CNGB3: variants seen among roughly 807,000 people sequenced by gnomAD.
CNGB3 encodes the protein cyclic nucleotide-gated channel beta-3.
In CNGB3, 86 loss-of-function variants were observed where a neutral mutation model predicts 92.8. The ratio of observed to expected loss-of-function variants is 0.93; its 90% CI spans 0.78 to 1.11. CNGB3 has a LOEUF of 1.11. Among genes scored for constraint, CNGB3 ranks in the 50% least tolerant of loss-of-function variants. The pLI, the probability that CNGB3 is intolerant of heterozygous loss-of-function variation, is 0.00. For missense variants in CNGB3, 1,026 were observed against 956.8 expected, an observed-to-expected ratio of 1.07 and a Z score of -0.95; for synonymous variants, 333 against 332.7, an observed-to-expected ratio of 1.00 and a Z score of -0.01.
intron 6 of CNGB3, chr8:86,659,770 C>T (rs1384097550): frequency 2.7e-5 from 10 of 375,074 alleles, no homozygotes; most frequent in Non-Finnish European, 3.6e-5. Flanking sequence ...TAACCACTCC[C>T]TTTGGCTCCC....
intron 15 of CNGB3, among the ~76,000 whole-genome samples, chr8:86,592,650 T>G (rs1018551829): frequency 1.3e-5 from 2 of 152,168 alleles, no homozygotes; most frequent in African/African-American, 4.8e-5. Context: ...AAATATTTCC[T>G]AAAATAAAGA....
intron 10 of CNGB3, among the ~76,000 whole-genome samples, chr8:86,641,401 C>G (rs1024979127): frequency 2.0e-5 from 3 of 152,018 alleles, no homozygotes; most frequent in African/African-American, 7.2e-5. Context: ...TTTGCTTTCA[C>G]TTTATTCCAT....
intron 15 of CNGB3, among the ~76,000 whole-genome samples, chr8:86,591,948 A>T (rs377247779): frequency 6.6e-6 from 1 of 151,282 alleles, no homozygotes; most frequent in East Asian, 1.9e-4. Context: ...CCTCGCTGCC[A>T]CCTTGCAGTT....
In CNGB3 at chr8:86,587,842, A is replaced by G. The variant is rs550494977; in HGVS notation, c.1782-8590T>C. Reference sequence around the variant, plus strand: ...GCGGGCTCTTTTTTGGTTCCATATGAACTTTAAAGTAGTATTTTCCAATTC... The same window carrying G: ...GCGGGCTCTTTTTTGGTTCCATATGGACTTTAAAGTAGTATTTTCCAATTC... On this transcript the variant is annotated intron_variant, in intron 15 of 17. Transcript: ENST00000320005. Among the ~76,000 whole-genome samples the G allele has an allele frequency of 1.3e-4, 20 of 152,166 alleles. No homozygotes were observed. In the South Asian group the frequency reaches 3.9e-3, roughly 30 times the overall value.
At chr8:86,742,078 C>T (rs981294059) in intron 1 of CNGB3, among the ~76,000 whole-genome samples, 3 of 152,068 alleles carry the variant, frequency 2.0e-5, no homozygotes, top group Non-Finnish European at 4.4e-5. Flanking sequence ...ATACAGTAGC[C>T]CTAGAAAAGG....
rs141098074 is a variant in CNGB3, at chr8:86,743,554, C to A, written c.74G>T (p.Arg25Leu). 1.9e-6 allele frequency: 3 copies of A among 1,613,860 alleles called. No individual in the cohort carries two copies. Among genetic ancestry groups the A allele is most frequent in the South Asian group, 1.1e-5 (1 of 91,090 alleles). The change falls in exon 1 of 18, where the codon CGT (arginine) becomes CTT (leucine). Residue 25 changes from arginine to leucine, a missense_variant. Transcript: ENST00000320005. The stretch of plus-strand genomic sequence containing the variant: ...TGGGTGAGAGCCTTCTTCATTCCGA[C>A]GAGAACTTTGTTCATTCTCATTGTT... ...GENNENEQSS[R>L]RNEEGSHPSN...
chr8:86,638,841 T>TTTTG (rs1217512439), intron 10 of CNGB3, among the ~76,000 whole-genome samples: 20 of 148,104 alleles, frequency 1.4e-4, no homozygotes, highest in South Asian at 4.5e-4. Context: ...TTTTTTTTTG[T>TTTTG]TTTGTTTGTT....
In CNGB3 at chr8:86,575,835, G is replaced by A; in HGVS notation, c.2399C>T (p.Thr800Ile). Reference sequence around the variant, plus strand: ...CTTAGCCTTTTCTTTGACTTCAATAGTAAGAACCTCTTCTCCGCCCTCAGC... The same window carrying A: ...CTTAGCCTTTTCTTTGACTTCAATAATAAGAACCTCTTCTCCGCCCTCAGC... ...PSAEGGEEVLTIEVKEKAKQ is the reference protein window; with the variant it reads ...PSAEGGEEVLIIEVKEKAKQ Residue 800 changes from threonine to isoleucine, a missense_variant, in exon 18 of 18, where the codon ACT (threonine) becomes ATT (isoleucine). Transcript: ENST00000320005. 11 of 1,613,728 alleles carry A rather than the reference G, an allele frequency of 6.8e-6. No homozygotes were observed. The highest frequency in any genetic ancestry group is 9.3e-6 in the Non-Finnish European group (11 of 1,179,880).
intron 3 of CNGB3, among the ~76,000 whole-genome samples, chr8:86,685,268 A>C (rs4960988): frequency 1.3e-5 from 2 of 151,824 alleles, no homozygotes; most frequent in African/African-American, 4.8e-5. Flanking sequence ...ATACCTACTT[A>C]TGCAGAACCT....
intron 15 of CNGB3, among the ~76,000 whole-genome samples, chr8:86,595,193 C>T (rs1383418943): frequency 6.6e-6 from 1 of 152,182 alleles, no homozygotes; most frequent in East Asian, 1.9e-4. Context: ...TCTAGTGATG[C>T]CAATGAAGTT....
At chr8:86,676,221 G>C (rs1823965197) in intron 3 of CNGB3, among the ~76,000 whole-genome samples, 2 of 152,160 alleles carry the variant, frequency 1.3e-5, no homozygotes, top group Admixed American at 1.3e-4. Flanking sequence ...ATAACATGGA[G>C]AGATGACTAA....
chr8:86,658,021 T>C (rs1337537170), intron 6 of CNGB3: 2 of 544,940 alleles, frequency 3.7e-6, no homozygotes, highest in Admixed American at 2.0e-5. Flanking sequence ...CTCCTTCAGG[T>C]CCACCTTCTC....
chr8:86,649,357 C>T (rs1315356342), intron 7 of CNGB3, among the ~76,000 whole-genome samples: 1 of 151,510 alleles, frequency 6.6e-6, no homozygotes, highest in Non-Finnish European at 1.5e-5. Context: ...GCCCTCACAG[C>T]CCAGGCAACC....
chr8:86,589,987 G>T (rs1294331762), intron 15 of CNGB3, among the ~76,000 whole-genome samples: 3 of 146,232 alleles, frequency 2.1e-5, no homozygotes, highest in Non-Finnish European at 4.5e-5. Flanking sequence ...TCTCTTTGTA[G>T]GTCACTCAGG....
At chr8:86,725,742 G>A (rs1299522177) in intron 3 of CNGB3, among the ~76,000 whole-genome samples, 2 of 152,170 alleles carry the variant, frequency 1.3e-5, no homozygotes, top group South Asian at 2.1e-4. Flanking sequence ...GAGAAGGCGG[G>A]GTAGGGTGGA....
intron 13 of CNGB3, among the ~76,000 whole-genome samples, chr8:86,613,881 T>A (rs1405982508): frequency 6.8e-6 from 1 of 147,924 alleles, no homozygotes; most frequent in South Asian, 2.1e-4. Context: ...TAAGTACATA[T>A]ATAATATAAA....
At chr8:86,644,730 A>AAT (rs1484751083) in intron 8 of CNGB3, 44 bp from the exon 9 acceptor site, 8 of 1,236,906 alleles carry the variant, frequency 6.5e-6, no homozygotes, top group South Asian at 1.8e-5. Flanking sequence ...GTTAGTCTTA[A>AAT]ATATATATAT....
At chr8:86,623,956 T>A (rs1198754428) in intron 13 of CNGB3, among the ~76,000 whole-genome samples, 1 of 152,180 alleles carries the variant, frequency 6.6e-6, no homozygotes, top group African/African-American at 2.4e-5. Flanking sequence ...TTCACCATCA[T>A]CTCTTCCACA....
At chr8:86,658,088 G>C (rs1420793393) in intron 6 of CNGB3, 1 of 523,742 alleles carries the variant, frequency 1.9e-6, no homozygotes. Context: ...TGCAGGGCCG[G>C]GTGGGCCTCC....
Sources: gnomAD v4.1 joint callset for allele counts (sites outside exome capture counted in the v4.1 genomes callset) on GRCh38, gnomAD v4.1.1 for gene constraint, MANE v1.5 for transcripts, NCBI Gene and HGNC (gene_info 2026-07-23, HGNC 2026-07-21) for gene names.